WDR11: variants seen among roughly 807,000 people sequenced by gnomAD.
WDR11 encodes the protein WD repeat-containing protein 11.
Under a neutral mutation model 151.2 loss-of-function variants are expected in WDR11, and 83 were observed. The observed-to-expected ratio is 0.55, with a 90% confidence interval of 0.46 to 0.66. The LOEUF is 0.66. Ranked by LOEUF, WDR11 falls within the 30% of genes least tolerant of loss-of-function variation. The pLI is 0.00. For missense variants in WDR11, 1,301 were observed against 1,480.9 expected (o/e 0.88, Z 1.99); for synonymous variants, 484 against 533.1 (o/e 0.91, Z 1.27).
intron 6 of WDR11, 40 bp from the exon 7 acceptor site, chr10:120,865,582 TTATTAATC>T (rs1846283654): frequency 7.0e-6 from 9 of 1,279,152 alleles, no homozygotes; most frequent in African/African-American, 1.5e-5. Flanking sequence ...AGTATATACT[TTATTAATC>T]TATTGTGTTT....
At chr10:120,852,264 C>G (rs550428999) in intron 1 of WDR11, 1 of 430,942 alleles carries the variant, frequency 2.3e-6, no homozygotes, top group African/African-American at 2.0e-5. Flanking sequence ...GGCACAAGTT[C>G]CTTTTTATGT....
In WDR11 at chr10:120,909,501, T is replaced by C. The variant is rs1848209244; in HGVS notation, c.*788T>C. On this transcript the variant is annotated 3_prime_UTR_variant, in exon 29 of 29. Transcript: ENST00000263461. ...AAATGTCTGTAACTTACAAACATGATAAATAAATTAAAAATTCCATCCAGG... is the reference window on the plus strand; with the variant it reads ...AAATGTCTGTAACTTACAAACATGACAAATAAATTAAAAATTCCATCCAGG... 1.3e-5 allele frequency: 2 copies of C among 152,680 alleles called. No individual in the cohort carries two copies. 9.5% of individuals were successfully genotyped at this position (152,680 alleles called of 1,614,324 possible).
intron 2 of WDR11, 115 bp from the exon 3 acceptor site, chr10:120,858,528 G>A: frequency 7.9e-7 from 1 of 1,273,486 alleles, no homozygotes; most frequent in South Asian, 1.3e-5. Flanking sequence ...GTTTATTCTT[G>A]CTAAATGTTT....
At chr10:120,899,104 G>C (rs1309994287) in intron 19 of WDR11, among the ~76,000 whole-genome samples, 1 of 152,116 alleles carries the variant, frequency 6.6e-6, no homozygotes, top group Non-Finnish European at 1.5e-5. Context: ...GCAGCCTTTA[G>C]GTCTTCTGCT....
rs12268298 is a variant in WDR11 at position 120,905,977 on chromosome 10, C to T, written c.3393C>T (p.Leu1131=). The change falls in exon 27 of 29, where the codon CTC becomes CTT. Residue 1131 remains leucine, a synonymous_variant. Transcript: ENST00000263461. ...AGAAATCAAAGGCTCTCCTGGTTCT[C>T]CTCTCTCTGGGCTGCTTTTTTAGCG... ...VNQKSKALLV[L]LSLGCFFSVA... is the part of the protein sequence containing the mutation. 18,886 of 1,613,982 alleles carry T rather than the reference C, an allele frequency of 0.012. 1,636 individuals are homozygous for T. The African/African-American group carries it at 0.2, about 17-fold the overall frequency.
Position 120,862,774 on chromosome 10 carries a change from C to T in WDR11, c.566C>T (p.Ser189Phe), listed in dbSNP as rs754218379. 1.9e-6 allele frequency: 3 copies of T among 1,614,026 alleles called. No homozygotes were observed. Among genetic ancestry groups the T allele is most frequent in the Non-Finnish European group, 2.5e-6 (3 of 1,180,036 alleles). ...SEGIVFISDF[S>F]PSKPPSGPGK... ...GGTATTGTTTTCATCTCAGACTTCT[C>T]CCCATCCAAGCCTCCCTCAGGCCCT... The change falls in exon 5 of 29, where the codon TCC becomes TTC. Residue 189 changes from serine to phenylalanine, a missense_variant. Transcript: ENST00000263461.
intron 19 of WDR11, among the ~76,000 whole-genome samples, chr10:120,892,715 G>A (rs1847468399): frequency 6.6e-6 from 1 of 152,150 alleles, no homozygotes; most frequent in Non-Finnish European, 1.5e-5. Flanking sequence ...TTTTCTTAGA[G>A]CAGCTTAGAT....
At chr10:120,908,357 G>C (rs1848150272) in intron 28 of WDR11, 199 bp from the exon 29 acceptor site, 1 of 623,954 alleles carries the variant, frequency 1.6e-6, no homozygotes, top group East Asian at 2.9e-5. Flanking sequence ...TACAGACTGA[G>C]ACATGGCCTA....
intron 19 of WDR11, among the ~76,000 whole-genome samples, chr10:120,898,695 C>T (rs1847700912): frequency 6.6e-6 from 1 of 152,172 alleles, no homozygotes; most frequent in African/African-American, 2.4e-5. Flanking sequence ...AAAAGTGTGG[C>T]ACTTGCCCCC....
At chr10:120,852,721 G>A (rs1845823754) in intron 2 of WDR11, 86 bp downstream of exon 2, 2 of 1,162,264 alleles carry the variant, frequency 1.7e-6, no homozygotes, top group South Asian at 1.3e-5. Context: ...TAAGTCTTAC[G>A]TGTAAGTGTT....
chr10:120,879,745 T>A (rs966910456), intron 12 of WDR11: 1 of 152,070 alleles, frequency 6.6e-6, no homozygotes, highest in Non-Finnish European at 1.5e-5. Flanking sequence ...GGTATAATAA[T>A]AGTGAGTATA....
At position 120,874,192 on chromosome 10, in the gene WDR11, TGTTGTTGTTGTTGTTG is replaced by T. The variant is rs1189798991; in HGVS notation, c.1556+270_1556+285del. 0.012 allele frequency among the ~76,000 whole-genome samples: 1,393 copies of T among 116,426 alleles called. 29 individuals carry two copies. Among genetic ancestry groups the T allele is most frequent in the Non-Finnish European group, 0.013 (745 of 57,024 alleles). 76.4% of individuals were successfully genotyped at this position (116,426 alleles called of 152,430 possible). On this transcript the variant is annotated intron_variant, in intron 11 of 28. Coordinates refer to ENST00000263461, the MANE Select transcript of WDR11 (RefSeq NM_018117.12). The stretch of plus-strand genomic sequence containing the variant: ...GTTTTTGCAGTTTTTTTTTTTTTTT[TGTTGTTGTTGTTGTTG>T]TTTGTTTTGTTTTGTTTTGTTTTTT...
rs565938581 is a variant in WDR11 at position 120,852,338 on chromosome 10, C to T, written c.87-186C>T. The T allele has an allele frequency of 1.2e-3, 712 of 581,620 alleles. 3 individuals are homozygous for T. Among genetic ancestry groups the T allele is most frequent in the Middle Eastern group, 8.0e-3 (27 of 3,362 alleles). 36.0% of individuals were successfully genotyped at this position (581,620 alleles called of 1,614,324 possible). On this transcript the variant is annotated intron_variant, in intron 1 of 28. Transcript: ENST00000263461. ...TATCCGAATGAAAAGTGAATTTCAA[C>T]AAGCATTTTAAGCTTAGCCAGATCT... is the stretch of plus-strand genomic sequence containing the variant.
intron 2 of WDR11, among the ~76,000 whole-genome samples, chr10:120,856,753 G>A (rs1228919685): frequency 6.6e-6 from 1 of 151,788 alleles, no homozygotes; most frequent in Non-Finnish European, 1.5e-5. Flanking sequence ...ATGGCTTGGA[G>A]TTTACCTAAA....
At chr10:120,870,325 A>G (rs1450623341) in intron 9 of WDR11, among the ~76,000 whole-genome samples, 1 of 152,164 alleles carries the variant, frequency 6.6e-6, no homozygotes, top group East Asian at 1.9e-4. Flanking sequence ...GTGTGTGTAG[A>G]CATGTATGTA....
Position 120,867,136 on chromosome 10 carries a change from A to G in WDR11, c.1261A>G (p.Lys421Glu), listed in dbSNP as rs541365764. Reference sequence around the variant, plus strand: ...AATTCCTGTAGGAGTGCTACAGAATAAACTCCCAGACCTTTCCTTAGATAA... The same window carrying G: ...AATTCCTGTAGGAGTGCTACAGAATGAACTCCCAGACCTTTCCTTAGATAA... Reference protein sequence around the residue: ...CGIPVGVLQNKLPDLSLDNMI... With the variant: ...CGIPVGVLQNELPDLSLDNMI... The change falls in exon 9 of 29, where the codon AAA becomes GAA. Residue 421 changes from lysine (K) to glutamate (E), a missense_variant. Physicochemically the swap from Lys to Glu is moderately conservative, Grantham distance 56. Coordinates refer to ENST00000263461, the MANE Select transcript of WDR11 (RefSeq NM_018117.12). 2.0e-5 allele frequency: 32 copies of G among 1,613,858 alleles called. No individual in the cohort carries two copies. The Admixed American group carries it at 4.5e-4, about 23-fold the overall frequency.
chr10:120,897,436 C>T lies in WDR11; in HGVS notation c.2516-2593C>T, dbSNP rs532852675. On this transcript the variant is annotated intron_variant, in intron 19 of 28. Transcript: ENST00000263461. ...ACATATTACTTACTAATTAATTATA[C>T]AGTGGAGAAGGTGCCCTGATAAGAG... Among the ~76,000 whole-genome samples the T allele has an allele frequency of 2.0e-5, 3 of 152,256 alleles. No individual in the cohort carries two copies. In the East Asian group the frequency reaches 5.8e-4, roughly 29 times the overall value.
intron 11 of WDR11, among the ~76,000 whole-genome samples, chr10:120,876,200 G>A (rs1200354049): frequency 6.6e-6 from 1 of 151,774 alleles, no homozygotes; most frequent in Non-Finnish European, 1.5e-5. Flanking sequence ...GGCCGGTCTT[G>A]AATTCCTGAC....
chr10:120,889,022 T>G, intron 16 of WDR11, 56 bp from the exon 17 acceptor site: 1 of 1,252,258 alleles, frequency 8.0e-7, no homozygotes, highest in South Asian at 1.3e-5. Context: ...ATATTTATTA[T>G]AATGTCTTAT....
Sources: allele counts gnomAD v4.1 joint callset (sites outside exome capture counted in the v4.1 genomes callset), GRCh38; gene constraint gnomAD v4.1.1; transcripts MANE v1.5; gene names NCBI Gene and HGNC (gene_info 2026-07-23, HGNC 2026-07-21).